RBMS3: variants seen among roughly 807,000 people sequenced by gnomAD.
RBMS3 encodes RNA-binding motif, single-stranded-interacting protein 3.
In RBMS3, 27 loss-of-function variants were observed where a neutral mutation model predicts 66.8. The ratio of observed to expected loss-of-function variants is 0.40; its 90% CI spans 0.30 to 0.56. RBMS3 has a LOEUF of 0.56. RBMS3 is among the 20% of genes least tolerant of loss of function. The probability of loss-of-function intolerance (pLI) is 0.40; values close to 1 mark genes in which losing one functional copy is unlikely to be tolerated. For synonymous variants in RBMS3, 188 were observed against 183.0 expected (o/e 1.03, Z -0.22); for missense variants, 513 against 549.5 (o/e 0.93, Z 0.66).
In RBMS3 at chr3:29,856,789, C is replaced by T. The variant is rs926467115; in HGVS notation, c.638-12069C>T. On this transcript the variant is annotated intron_variant, in intron 6 of 14. Transcript: ENST00000383767. ...CACTAAACATCTTCATAGGCGACGT[C>T]GTTGCCAAGTTATTTATTTATTTTT... Among the ~76,000 whole-genome samples the T allele has an allele frequency of 5.3e-5, 8 of 152,226 alleles. No individual in the cohort carries two copies. In the East Asian group the frequency reaches 1.5e-3, roughly 29 times the overall value.
chr3:29,349,562 T>A (rs1432401097), intron 1 of RBMS3, among the ~76,000 whole-genome samples: 2 of 152,188 alleles, frequency 1.3e-5, no homozygotes, highest in Admixed American at 6.5e-5. Flanking sequence ...AGAATAACTT[T>A]CTCCAAACAG....
At chr3:29,583,819 A>G (rs1277990135) in intron 3 of RBMS3, among the ~76,000 whole-genome samples, 3 of 152,154 alleles carry the variant, frequency 2.0e-5, no homozygotes, top group Non-Finnish European at 4.4e-5. Context: ...AAAGTGGTCA[A>G]TAATGATTTG....
chr3:29,441,070 T>C (rs1346625324), intron 2 of RBMS3, among the ~76,000 whole-genome samples: 1 of 152,204 alleles, frequency 6.6e-6, no homozygotes. Flanking sequence ...GTAGCTGTCT[T>C]CTGCAAGTCA....
intron 14 of RBMS3, among the ~76,000 whole-genome samples, chr3:30,001,885 C>A (rs1441888283): frequency 2.0e-5 from 3 of 151,558 alleles, no homozygotes; most frequent in Non-Finnish European, 2.9e-5. Flanking sequence ...AATTAAAACC[C>A]TTCTGTTTTT....
At chr3:29,969,223 T>A (rs185728583) in intron 12 of RBMS3, among the ~76,000 whole-genome samples, 49 of 152,360 alleles carry the variant, frequency 3.2e-4, no homozygotes, top group African/African-American at 1.2e-3. Flanking sequence ...CCTGGTCTGA[T>A]AACGATTTTG....
At chr3:29,523,223 C>T (rs9881463) in intron 3 of RBMS3, among the ~76,000 whole-genome samples, 6,955 of 152,232 alleles carry the variant, frequency 0.046, 529 homozygotes, top group East Asian at 0.38. Context: ...TTTTTGTCTC[C>T]TTCACCTTTC....
chr3:29,460,164 A>T (rs1438326), intron 2 of RBMS3, among the ~76,000 whole-genome samples: 37,393 of 152,130 alleles, frequency 0.25, 4,953 homozygotes, highest in Admixed American at 0.33. Context: ...GCTAAATAAA[A>T]TCGATACACC....
At chr3:29,337,326 C>T (rs1368925496) in intron 1 of RBMS3, among the ~76,000 whole-genome samples, 1 of 151,888 alleles carries the variant, frequency 6.6e-6, no homozygotes, top group Non-Finnish European at 1.5e-5. Context: ...ACCTATATGG[C>T]CCTAGTAATC....
chr3:29,988,194 C>T lies in RBMS3; in HGVS notation c.1150C>T (p.Pro384Ser). The T allele has an allele frequency of 6.2e-7, 1 of 1,612,840 alleles. No homozygotes were observed. Among genetic ancestry groups the T allele is most frequent in the African/African-American group, 1.3e-5 (1 of 74,992 alleles). The part of the protein sequence containing the change: ...MQGTYIPQYT[P>S]VPPTAVSIEG... Reference sequence around the variant, plus strand: ...AGGGACCTACATTCCTCAGTACACGCCTGTGCCTCCGACAGCTGTTTCTAT... The same window carrying T: ...AGGGACCTACATTCCTCAGTACACGTCTGTGCCTCCGACAGCTGTTTCTAT... Residue 384 changes from proline (P) to serine (S), a missense_variant, in exon 13 of 15, where the codon CCT (proline) becomes TCT (serine). By Grantham distance (74) the Pro-to-Ser change is moderately conservative (BLOSUM62 -1). Coordinates refer to ENST00000383767, the MANE Select transcript of RBMS3 (RefSeq NM_001003793.3).
intron 3 of RBMS3, among the ~76,000 whole-genome samples, chr3:29,492,082 C>T (rs1424330044): frequency 6.6e-6 from 1 of 152,110 alleles, no homozygotes; most frequent in East Asian, 1.9e-4. Context: ...CCATTATATG[C>T]TTATAAAAGC....
chr3:29,342,647 T>C (rs535118930), intron 1 of RBMS3, among the ~76,000 whole-genome samples: 1 of 152,310 alleles, frequency 6.6e-6, no homozygotes, highest in African/African-American at 2.4e-5. Flanking sequence ...GGGATTTATT[T>C]CCATAGTTAT....
chr3:29,988,306 T>C, intron 13 of RBMS3, 83 bp downstream of exon 13: 1 of 1,149,280 alleles, frequency 8.7e-7, no homozygotes, highest in South Asian at 1.3e-5. Flanking sequence ...ACCATAGGAA[T>C]CCTCACTTGC....
chr3:29,311,616 G>A lies in RBMS3; in HGVS notation c.75+29860G>A, dbSNP rs151056359. ...GTTTGAGGTTTACTATTTAATTCAC[G>A]TATTTGGAGAAAATTTGAGATTTAC... On this transcript the variant is annotated intron_variant, in intron 1 of 14. Transcript: ENST00000383767. Among the ~76,000 whole-genome samples the A allele has an allele frequency of 1.5e-3, 222 of 151,882 alleles. 2 individuals carry two copies. In the Middle Eastern group the frequency reaches 0.017, roughly 12 times the overall value.
chr3:29,901,949 A>G (rs896843633), intron 10 of RBMS3, among the ~76,000 whole-genome samples: 1 of 151,826 alleles, frequency 6.6e-6, no homozygotes, highest in Non-Finnish European at 1.5e-5. Context: ...AAGTAACTTT[A>G]CCCAACTGGC....
intron 4 of RBMS3, chr3:29,730,854 A>G (rs1012544359): frequency 1.0e-6 from 1 of 980,958 alleles, no homozygotes; most frequent in Non-Finnish European, 1.2e-6. Context: ...AGAGATCTCA[A>G]TATTGTAAAA....
chr3:29,993,669 C>T (rs1009158872), intron 14 of RBMS3, among the ~76,000 whole-genome samples: 1 of 152,200 alleles, frequency 6.6e-6, no homozygotes, highest in African/African-American at 2.4e-5. Flanking sequence ...AGAGCTAGGA[C>T]ATTGGTCTTT....
intron 6 of RBMS3, among the ~76,000 whole-genome samples, chr3:29,782,012 A>G (rs112232979): frequency 0.015 from 1,792 of 122,514 alleles, 25 homozygotes; most frequent in African/African-American, 0.046. Flanking sequence ...GAACTCAGAC[A>G]TGCTTATCCC....
chr3:29,631,479 A>G (rs1469183437), intron 4 of RBMS3, among the ~76,000 whole-genome samples: 1 of 151,776 alleles, frequency 6.6e-6, no homozygotes, highest in Non-Finnish European at 1.5e-5. Flanking sequence ...TTTCCATAGA[A>G]GATTTTTATT....
intron 3 of RBMS3, among the ~76,000 whole-genome samples, chr3:29,539,879 G>A (rs776207096): frequency 6.6e-6 from 1 of 152,140 alleles, no homozygotes; most frequent in Non-Finnish European, 1.5e-5. Flanking sequence ...TTCACAGAAG[G>A]TATCAGTTTA....
Sources: allele counts gnomAD v4.1 joint callset (sites outside exome capture counted in the v4.1 genomes callset), GRCh38; gene constraint gnomAD v4.1.1; transcripts MANE v1.5; gene names NCBI Gene and HGNC (gene_info 2026-07-23, HGNC 2026-07-21).